VPS51: variants seen among roughly 807,000 people sequenced by gnomAD.
VPS51 encodes vacuolar protein sorting-associated protein 51 homolog.
VPS51 carries 55 observed loss-of-function variants against 65.1 expected under a neutral mutation model. The ratio of observed to expected loss-of-function variants is 0.84; its 90% CI spans 0.68 to 1.06. VPS51 has a LOEUF of 1.06. Ranked by LOEUF, VPS51 falls within the 50% of genes least tolerant of loss-of-function variation. The pLI is 0.00. For synonymous variants in VPS51, 473 were observed against 489.5 expected (o/e 0.97, Z 0.44); for missense variants, 943 against 1,101.6 (o/e 0.86, Z 2.04).
In VPS51 at chr11:65,111,561, G is replaced by A; in HGVS notation, c.2323G>A (p.Val775Ile). 6.2e-7 allele frequency: 1 copy of A among 1,610,640 alleles called. No homozygotes were observed. The highest frequency in any genetic ancestry group is 8.5e-7 in the Non-Finnish European group (1 of 1,179,860). ...PDPVPMEPSVVEVICERG is the reference protein window; with the variant it reads ...PDPVPMEPSVIEVICERG ...CCCTGTGCCCATGGAGCCCAGTGTG[G>A]TTGAGGTCATCTGCGAGCGCGGCTA... Residue 775 changes from valine to isoleucine, a missense_variant, in exon 10 of 10, where the codon GTT becomes ATT. Transcript: ENST00000279281.
At chr11:65,105,725 C>G (rs1211452384) in intron 2 of VPS51, among the ~76,000 whole-genome samples, 2 of 152,262 alleles carry the variant, frequency 1.3e-5, no homozygotes, top group African/African-American at 2.4e-5. Flanking sequence ...CTTTCAGGCA[C>G]TAGCTGCAGG....
At chr11:65,099,228 GAAA>G (rs1311421898) in intron 2 of VPS51, among the ~76,000 whole-genome samples, 1 of 152,060 alleles carries the variant, frequency 6.6e-6, no homozygotes, top group Non-Finnish European at 1.5e-5. Context: ...AAGAGAGAGA[GAAA>G]AATGAGAAAG....
chr11:65,108,590 C>T lies in VPS51; in HGVS notation c.1119C>T (p.Asp373=). The T allele has an allele frequency of 6.5e-7, 1 of 1,539,752 alleles. No homozygotes were observed. The highest frequency in any genetic ancestry group is 8.7e-7 in the Non-Finnish European group (1 of 1,149,922). ...GDNSLLVRAL[D]RFHRRLRAPG... ...ACTCACTGCTGGTGCGGGCGCTGGA[C>T]CGCTTCCACCGGCGCTTGCGGGCTC... is the stretch of plus-strand genomic sequence containing the variant. Residue 373 remains aspartate (D), a synonymous_variant, in exon 5 of 10, where the codon GAC becomes GAT. Coordinates refer to ENST00000279281, the MANE Select transcript of VPS51 (RefSeq NM_013265.4).
Position 65,107,024 on chromosome 11 carries a change from C to G in VPS51, c.359-557C>G, listed in dbSNP as rs1260300566. ...ATGAAGGGACCAGGCTCCCAGGCAC[C>G]TGGTGTGTGAAAGGAAAAACAGCCT... On this transcript the variant is annotated intron_variant, in intron 2 of 9. Transcript: ENST00000279281. The surrounding 1 kb of genome is among the most constrained non-coding windows in gnomAD (Gnocchi z 4.0). Among the ~76,000 whole-genome samples the G allele has an allele frequency of 6.6e-6, 1 of 152,088 alleles. No homozygotes were observed. Among genetic ancestry groups the G allele is most frequent in the East Asian group, 1.9e-4 (1 of 5,180 alleles).
In VPS51 at chr11:65,111,770, C is replaced by G. The variant is rs1947906187; in HGVS notation, c.*183C>G. On this transcript the variant is annotated 3_prime_UTR_variant, in exon 10 of 10. Coordinates refer to ENST00000279281, the MANE Select transcript of VPS51 (RefSeq NM_013265.4). ...TTTTGAAGCTGAGGCTTCTGAGGCGCCCGCGTCGGGTCCGCCCCCGAGCGC... is the reference window on the plus strand; with the variant it reads ...TTTTGAAGCTGAGGCTTCTGAGGCGGCCGCGTCGGGTCCGCCCCCGAGCGC... 16 of 1,156,774 alleles carry G rather than the reference C, an allele frequency of 1.4e-5. No homozygotes were observed. Among genetic ancestry groups the G allele is most frequent in the Middle Eastern group, 2.9e-4 (1 of 3,390 alleles). The allele number at this position is 1,156,774 out of a possible 1,614,324, so 71.7% of individuals were successfully genotyped here.
intron 2 of VPS51, among the ~76,000 whole-genome samples, chr11:65,101,460 TA>T (rs1330198960): frequency 6.6e-6 from 1 of 152,126 alleles, no homozygotes; most frequent in Admixed American, 6.6e-5. Flanking sequence ...TCTTTGACAG[TA>T]CATTTCACTG....
At chr11:65,100,799 G>T (rs1302904804) in intron 2 of VPS51, among the ~76,000 whole-genome samples, 2 of 152,080 alleles carry the variant, frequency 1.3e-5, no homozygotes, top group East Asian at 3.8e-4. Flanking sequence ...GCTTGCCTCG[G>T]CTTCCCAAAG....
intron 9 of VPS51, 162 bp from the exon 10 acceptor site, chr11:65,111,165 C>T (rs750632628): frequency 1.1e-5 from 12 of 1,082,394 alleles, no homozygotes; most frequent in African/African-American, 6.2e-5. Context: ...CTCCAGATGA[C>T]GGCGCTAATA....
chr11:65,100,018 G>A (rs1464892870), intron 2 of VPS51, among the ~76,000 whole-genome samples: 2 of 151,976 alleles, frequency 1.3e-5, no homozygotes, highest in Admixed American at 1.3e-4. Flanking sequence ...CAGGAGAATC[G>A]CTTGAACCCA....
Position 65,106,479 on chromosome 11 carries a change from C to T in VPS51, c.359-1102C>T, listed in dbSNP as rs575491678. 6.6e-5 allele frequency among the ~76,000 whole-genome samples: 10 copies of T among 152,256 alleles called. No homozygotes were observed. In the South Asian group the frequency reaches 8.3e-4, roughly 13 times the overall value. On this transcript the variant is annotated intron_variant, in intron 2 of 9. Transcript: ENST00000279281. The stretch of plus-strand genomic sequence containing the variant: ...TAAAACCATCAGACCTCGTCGGGTG[C>T]GGTGGCTCATGCCTGTAATCCCAGC...
In VPS51 at chr11:65,109,264, G is replaced by T; in HGVS notation, c.1444-16G>T. On this transcript the variant is annotated splice_polypyrimidine_tract_variant and intron_variant, in intron 5 of 9. Coordinates refer to ENST00000279281, the MANE Select transcript of VPS51 (RefSeq NM_013265.4). Reference sequence around the variant, plus strand: ...AAGAGGGGACCTGCTGTGGACCTGGGCACCTTCTCTTGCAGGGTGAGTTCT... The same window carrying T: ...AAGAGGGGACCTGCTGTGGACCTGGTCACCTTCTCTTGCAGGGTGAGTTCT... 6.2e-7 allele frequency: 1 copy of T among 1,604,904 alleles called. No individual in the cohort carries two copies. Among genetic ancestry groups the T allele is most frequent in the Non-Finnish European group, 8.5e-7 (1 of 1,174,846 alleles).
chr11:65,096,441 A>G lies in VPS51; in HGVS notation c.191A>G (p.Asn64Ser). Reference sequence around the variant, plus strand: ...GACCCCCTGGACCCGACTGATCTGAACGGGGCGCACTTCGACCCGGAAGTT... The same window carrying G: ...GACCCCCTGGACCCGACTGATCTGAGCGGGGCGCACTTCGACCCGGAAGTT... Reference protein sequence around the residue: ...GPDPLDPTDLNGAHFDPEVYL... With the variant: ...GPDPLDPTDLSGAHFDPEVYL... The change falls in exon 1 of 10, where the codon AAC becomes AGC. Residue 64 changes from asparagine (N) to serine (S), a missense_variant. By Grantham distance (46) the Asn-to-Ser change is conservative. Around this residue, in one of 2 missense-constraint regions of VPS51, gnomAD observed 855 missense variants for 953.7 expected, o/e 0.90. Coordinates refer to ENST00000279281, the MANE Select transcript of VPS51 (RefSeq NM_013265.4). 6.8e-7 allele frequency: 1 copy of G among 1,463,534 alleles called. No homozygotes were observed. Among genetic ancestry groups the G allele is most frequent in the Non-Finnish European group, 9.0e-7 (1 of 1,105,026 alleles). 90.7% of individuals were successfully genotyped at this position (1,463,534 alleles called of 1,614,324 possible). A position where few individuals can be genotyped will look rare whatever the true frequency, so the allele number is the denominator to read the frequency against.
At chr11:65,100,213 C>T (rs1291409619) in intron 2 of VPS51, among the ~76,000 whole-genome samples, 3 of 152,122 alleles carry the variant, frequency 2.0e-5, no homozygotes, top group Non-Finnish European at 4.4e-5. Flanking sequence ...ATAAAAAGAA[C>T]GTTTTTTAGC....
At chr11:65,103,199 A>G (rs1428154145) in intron 2 of VPS51, among the ~76,000 whole-genome samples, 3 of 152,194 alleles carry the variant, frequency 2.0e-5, no homozygotes, top group African/African-American at 7.2e-5. Context: ...AGCTGGGATT[A>G]TAAGTGTGCA....
chr11:65,109,603 A>G (rs1947874453), intron 6 of VPS51, 102 bp from the exon 7 acceptor site: 1 of 1,519,206 alleles, frequency 6.6e-7, no homozygotes, highest in Non-Finnish European at 8.8e-7. Context: ...TGTGTACCCC[A>G]GCCTCCACCT....
At chr11:65,100,552 A>G (rs913124052) in intron 2 of VPS51, among the ~76,000 whole-genome samples, 1 of 99,608 alleles carries the variant, frequency 1.0e-5, no homozygotes, top group Non-Finnish European at 1.9e-5. Context: ...TTTTTTTGAG[A>G]TGGAGTCTAG....
At chr11:65,108,952 G>C in intron 5 of VPS51, 38 bp downstream of exon 5, 2 of 1,604,628 alleles carry the variant, frequency 1.2e-6, no homozygotes, top group Non-Finnish European at 1.7e-6. Flanking sequence ...TCAACCTGCT[G>C]GTTGACCCTC....
At chr11:65,110,243 G>A in intron 7 of VPS51, 1 of 684,844 alleles carries the variant, frequency 1.5e-6, no homozygotes, top group Non-Finnish European at 2.4e-6. Context: ...CAGGAAGTCA[G>A]GGCAGGGTTG....
At chr11:65,100,696 A>C (rs1165489204) in intron 2 of VPS51, among the ~76,000 whole-genome samples, 1 of 151,848 alleles carries the variant, frequency 6.6e-6, no homozygotes, top group Non-Finnish European at 1.5e-5. Context: ...ACACCCGCCT[A>C]ATTTTTTTAT....
Sources: gnomAD v4.1 joint callset for allele counts (sites outside exome capture counted in the v4.1 genomes callset) on GRCh38, gnomAD v4.1.1 for gene constraint, gnomAD v4.1.1 regional missense constraint, Gnocchi (gnomAD v3.1) non-coding constraint, MANE v1.5 for transcripts, NCBI Gene and HGNC (gene_info 2026-07-23, HGNC 2026-07-21) for gene names.